Variants in RAPGEF5 observed in about 807,000 individuals in gnomAD.
RAPGEF5 encodes M-Ras-regulated GEF.
Under a neutral mutation model 125.2 loss-of-function variants are expected in RAPGEF5, and 65 were observed. The ratio of observed to expected loss-of-function variants is 0.52; its 90% CI spans 0.43 to 0.64. RAPGEF5 has a LOEUF of 0.64. Ranked by LOEUF, RAPGEF5 falls within the 30% of genes least tolerant of loss-of-function variation. RAPGEF5 has a pLI of 0.00. For synonymous variants in RAPGEF5, 391 were observed against 385.9 expected (o/e 1.01, Z -0.16); for missense variants, 958 against 1,048.1 (o/e 0.91, Z 1.19).
rs931965642 is a variant in RAPGEF5 at position 22,119,095 on chromosome 7, C to T, written c.*3311G>A. ...TGCGCCATTTAGGAACATTCAGTTC[C>T]GGATCTGCGGTGTCTGTGCTGGCTA... On this transcript the variant is annotated 3_prime_UTR_variant, in exon 26 of 26. Coordinates refer to ENST00000665637, the MANE Select transcript of RAPGEF5 (RefSeq NM_012294.5). The surrounding 1 kb of genome is among the most constrained non-coding windows in gnomAD (Gnocchi z 4.1). The T allele has an allele frequency of 4.6e-5, 7 of 152,174 alleles. No individual in the cohort carries two copies. The highest frequency in any genetic ancestry group is 7.3e-5 in the Non-Finnish European group (5 of 68,042). The allele number at this position is 152,174 out of a possible 1,614,324, so 9.4% of individuals were successfully genotyped here.
At chr7:22,139,773 CCT>C (rs1163372991) in intron 21 of RAPGEF5, 7 of 379,520 alleles carry the variant, frequency 1.8e-5, no homozygotes, top group Non-Finnish European at 3.0e-5. Flanking sequence ...TGGGGACCAG[CCT>C]GGAACGAGCA....
intron 7 of RAPGEF5, among the ~76,000 whole-genome samples, chr7:22,245,612 T>C (rs1786456452): frequency 6.6e-6 from 1 of 152,070 alleles, no homozygotes; most frequent in African/African-American, 2.4e-5. Flanking sequence ...CTAAGCCATA[T>C]TTCCTCTCAA....
chr7:22,243,603 TAA>T (rs1786396726), intron 7 of RAPGEF5, among the ~76,000 whole-genome samples: 4 of 152,218 alleles, frequency 2.6e-5, no homozygotes, highest in Admixed American at 2.6e-4. Context: ...ATCTATTTCT[TAA>T]GTTTTAATTT....
chr7:22,127,745 A>T lies in RAPGEF5; in HGVS notation c.2482-2087T>A, dbSNP rs142317927. On this transcript the variant is annotated intron_variant, in intron 24 of 25. Coordinates refer to ENST00000665637, the MANE Select transcript of RAPGEF5 (RefSeq NM_012294.5). Reference sequence around the variant, plus strand: ...CACTGAGCATAGGATCACCATATACAGCAAACCCTCAATGAATTATTGCTG... The same window carrying T: ...CACTGAGCATAGGATCACCATATACTGCAAACCCTCAATGAATTATTGCTG... 4.6e-5 allele frequency among the ~76,000 whole-genome samples: 7 copies of T among 152,360 alleles called. No homozygotes were observed. The East Asian group carries it at 1.3e-3, about 29-fold the overall frequency.
At position 22,190,215 on chromosome 7, in the gene RAPGEF5, G is replaced by A. The variant is rs548553797; in HGVS notation, c.1204+3152C>T. Among the ~76,000 whole-genome samples, 92 of 152,080 alleles carry A rather than the reference G, an allele frequency of 6.0e-4. 1 individual carries two copies. Among genetic ancestry groups the A allele is most frequent in the Non-Finnish European group, 1.2e-3 (80 of 68,020 alleles). ...GAATCGCTTGAACCCGAGAGTCAGA[G>A]GTTGCAGTGAGCCAAGATCATACTC... is the stretch of plus-strand genomic sequence containing the variant. On this transcript the variant is annotated intron_variant, in intron 11 of 25. Transcript: ENST00000665637.
intron 11 of RAPGEF5, among the ~76,000 whole-genome samples, chr7:22,169,932 C>G (rs925122139): frequency 2.1e-5 from 3 of 142,256 alleles, no homozygotes; most frequent in Non-Finnish European, 4.5e-5. Context: ...ATGGCTGGAA[C>G]CCAGGTGGCA....
At chr7:22,232,068 T>C (rs1786070966) in intron 7 of RAPGEF5, among the ~76,000 whole-genome samples, 1 of 152,148 alleles carries the variant, frequency 6.6e-6, no homozygotes, top group Non-Finnish European at 1.5e-5. Flanking sequence ...AGGAGAAACA[T>C]GGAACACTGG....
chr7:22,150,437 A>G lies in RAPGEF5; in HGVS notation c.1854T>C (p.Tyr618=). The G allele has an allele frequency of 6.2e-7, 1 of 1,611,382 alleles. No homozygotes were observed. Among genetic ancestry groups the G allele is most frequent in the Non-Finnish European group, 8.5e-7 (1 of 1,178,912 alleles). The change falls in exon 18 of 26, where the codon TAT becomes TAC. Residue 618 remains tyrosine, a synonymous_variant. Coordinates refer to ENST00000665637, the MANE Select transcript of RAPGEF5 (RefSeq NM_012294.5). The part of the protein sequence containing the change: ...SKSLEASGRI[Y]VYRKDLADTL... Reference sequence around the variant, plus strand: ...TGTCCGCCAGGTCTTTCCGGTAGACATATATTCGACCAGATGCCTCGAGGG... The same window carrying G: ...TGTCCGCCAGGTCTTTCCGGTAGACGTATATTCGACCAGATGCCTCGAGGG...
At chr7:22,350,202 C>T (rs752743575) in intron 1 of RAPGEF5, among the ~76,000 whole-genome samples, 5 of 152,150 alleles carry the variant, frequency 3.3e-5, no homozygotes, top group Non-Finnish European at 5.9e-5. Flanking sequence ...TGACTTATTT[C>T]CTACCTTTCC....
intron 9 of RAPGEF5, among the ~76,000 whole-genome samples, chr7:22,201,441 A>C (rs1236608587): frequency 6.6e-6 from 1 of 152,230 alleles, no homozygotes; most frequent in Non-Finnish European, 1.5e-5. Flanking sequence ...CATGCTTCAC[A>C]TTTCACAGTT....
At chr7:22,351,473 T>C (rs565936136) in intron 1 of RAPGEF5, among the ~76,000 whole-genome samples, 63 of 152,322 alleles carry the variant, frequency 4.1e-4, no homozygotes, top group African/African-American at 1.5e-3. Flanking sequence ...ATTCAGAGCA[T>C]GGACTTGGCT....
intron 23 of RAPGEF5, among the ~76,000 whole-genome samples, chr7:22,133,101 C>T (rs1387793907): frequency 2.0e-5 from 3 of 152,216 alleles, no homozygotes; most frequent in Admixed American, 2.0e-4. Context: ...TTCAGGCAGT[C>T]CCTCCTGCCG....
At chr7:22,135,003 T>C (rs886925785) in intron 23 of RAPGEF5, among the ~76,000 whole-genome samples, 8 of 152,354 alleles carry the variant, frequency 5.3e-5, no homozygotes, top group African/African-American at 1.9e-4. Context: ...AGCTGCACGA[T>C]GTACGGCAAC....
chr7:22,234,290 G>A (rs1019498265), intron 7 of RAPGEF5, among the ~76,000 whole-genome samples: 3 of 152,156 alleles, frequency 2.0e-5, no homozygotes, highest in Admixed American at 6.5e-5. Flanking sequence ...GGGAAAAGGA[G>A]GAAGGAGTTA....
At chr7:22,285,907 CAG>C (rs1247309366) in intron 6 of RAPGEF5, among the ~76,000 whole-genome samples, 1 of 152,164 alleles carries the variant, frequency 6.6e-6, no homozygotes. Flanking sequence ...AGCCAGAAGA[CAG>C]AGAAGAACCA....
At chr7:22,273,057 G>A (rs1219350623) in intron 6 of RAPGEF5, among the ~76,000 whole-genome samples, 2 of 152,116 alleles carry the variant, frequency 1.3e-5, no homozygotes, top group Non-Finnish European at 2.9e-5. Context: ...ACCATGCCCA[G>A]CCAAGAAACT....
chr7:22,136,144 TAC>T lies in RAPGEF5; in HGVS notation c.2329-21_2329-20del, dbSNP rs1286782810. ...AAGGATCCTGCCGAACCAAGCAGAT[TAC>T]AAAGAGAAAGAAAAATCAATGTGCT... On this transcript the variant is annotated intron_variant, in intron 22 of 25. Coordinates refer to ENST00000665637, the MANE Select transcript of RAPGEF5 (RefSeq NM_012294.5). 10 of 1,560,464 alleles carry T rather than the reference TAC, an allele frequency of 6.4e-6. No homozygotes were observed. Among genetic ancestry groups the T allele is most frequent in the Non-Finnish European group, 8.7e-6 (10 of 1,144,374 alleles).
intron 1 of RAPGEF5, among the ~76,000 whole-genome samples, chr7:22,334,573 C>G (rs998670454): frequency 2.0e-5 from 3 of 152,212 alleles, no homozygotes; most frequent in Non-Finnish European, 4.4e-5. Context: ...GCATCCTGGA[C>G]AGCAGCCTGG....
At chr7:22,278,147 A>G (rs1266462153) in intron 6 of RAPGEF5, among the ~76,000 whole-genome samples, 2 of 152,152 alleles carry the variant, frequency 1.3e-5, no homozygotes, top group Non-Finnish European at 2.9e-5. Flanking sequence ...CTCCTGTTGT[A>G]CCCAAAAGTC....
Sources: gnomAD v4.1 joint callset for allele counts (sites outside exome capture counted in the v4.1 genomes callset) on GRCh38, gnomAD v4.1.1 for gene constraint, Gnocchi (gnomAD v3.1) non-coding constraint, MANE v1.5 for transcripts, NCBI Gene and HGNC (gene_info 2026-07-23, HGNC 2026-07-21) for gene names.